The following SH3BGR variants were observed in gnomAD, a reference collection of about 807,000 sequenced individuals.
The protein encoded by SH3BGR is SH3 domain-binding glutamic acid-rich protein.
Under a neutral mutation model 24.5 loss-of-function variants are expected in SH3BGR, and 29 were observed. That is an observed-to-expected ratio of 1.18 (90% CI 0.88 to 1.61). The LOEUF is 1.61. Ranked by LOEUF, SH3BGR falls within the 40% of genes most tolerant of loss-of-function variation. The probability of loss-of-function intolerance (pLI) is 0.00; values close to 1 mark genes in which losing one functional copy is unlikely to be tolerated. For missense variants in SH3BGR, 162 were observed against 205.8 expected (o/e 0.79, Z 1.30); for synonymous variants, 55 against 65.7 (o/e 0.84, Z 0.79).
At chr21:39,478,360 A>G (rs1569160348) in intron 3 of SH3BGR, among the ~76,000 whole-genome samples, 2 of 152,268 alleles carry the variant, frequency 1.3e-5, no homozygotes, top group South Asian at 2.1e-4. Context: ...ATCTCTTCCC[A>G]CTTCCAGAGC....
At chr21:39,461,074 G>A (rs1018618643) in intron 1 of SH3BGR, among the ~76,000 whole-genome samples, 11 of 151,538 alleles carry the variant, frequency 7.3e-5, no homozygotes, top group Middle Eastern at 3.6e-3. Flanking sequence ...AGATACGAGA[G>A]CATCTCTATT....
rs188846578 is a variant in SH3BGR, at chr21:39,456,816, G to A, written c.45+4675G>A. 2.1e-4 allele frequency among the ~76,000 whole-genome samples: 32 copies of A among 152,212 alleles called. No homozygotes were observed. The East Asian group carries it at 5.2e-3, about 25-fold the overall frequency. On this transcript the variant is annotated intron_variant, in intron 1 of 6. Transcript: ENST00000333634. ...TATTTGTCCGTGCTTGCCCCAAACT[G>A]CAGTACCTTTGTTGGCCTGAGTCTT...
At chr21:39,499,264 A>G (rs1054782079) in intron 3 of SH3BGR, among the ~76,000 whole-genome samples, 4 of 150,966 alleles carry the variant, frequency 2.6e-5, no homozygotes, top group African/African-American at 9.7e-5. Flanking sequence ...TCATCTGTCT[A>G]TCTGTCTATC....
chr21:39,499,413 T>C (rs1321322840), intron 3 of SH3BGR, among the ~76,000 whole-genome samples: 1 of 152,168 alleles, frequency 6.6e-6, no homozygotes, highest in Non-Finnish European at 1.5e-5. Context: ...ATCCATCCAT[T>C]TATCCATCTA....
At chr21:39,475,350 C>G (rs185936084) in intron 3 of SH3BGR, 135 bp downstream of exon 3, 3 of 566,142 alleles carry the variant, frequency 5.3e-6, no homozygotes, top group South Asian at 5.6e-5. Context: ...TATTCTGATG[C>G]AGTCCTATGC....
chr21:39,508,266 C>G (rs1001187238), intron 4 of SH3BGR, among the ~76,000 whole-genome samples: 30 of 152,162 alleles, frequency 2.0e-4, no homozygotes, highest in African/African-American at 6.8e-4. Flanking sequence ...TTGTGGCACT[C>G]TGGCTTCAGG....
intron 3 of SH3BGR, among the ~76,000 whole-genome samples, chr21:39,479,462 ATGT>A (rs1162727885): frequency 6.9e-6 from 1 of 145,906 alleles, no homozygotes; most frequent in East Asian, 2.0e-4. Flanking sequence ...AGTGGTGGTG[ATGT>A]TGGTGTTGGT....
At chr21:39,447,374 A>G (rs982388939), upstream of SH3BGR, among the ~76,000 whole-genome samples, 1 of 150,296 alleles carries the variant, frequency 6.7e-6, no homozygotes, top group Non-Finnish European at 1.5e-5. Flanking sequence ...ATGATAAGTC[A>G]CTGCAAATCT....
intron 5 of SH3BGR, among the ~76,000 whole-genome samples, chr21:39,509,620 A>C (rs1189157520): frequency 3.3e-5 from 5 of 151,414 alleles, no homozygotes; most frequent in South Asian, 2.1e-4. Flanking sequence ...AATTACAGGC[A>C]CGTGTCACCA....
intron 3 of SH3BGR, among the ~76,000 whole-genome samples, chr21:39,494,138 G>A (rs2078351205): frequency 6.6e-6 from 1 of 151,910 alleles, no homozygotes; most frequent in South Asian, 2.1e-4. Context: ...TCCATTGACT[G>A]TTTCCCATCC....
At chr21:39,501,255 C>T (rs369610419) in intron 4 of SH3BGR, among the ~76,000 whole-genome samples, 2 of 152,276 alleles carry the variant, frequency 1.3e-5, no homozygotes, top group African/African-American at 4.8e-5. Context: ...CCCTTTCTCC[C>T]GTGAGACCAG....
chr21:39,509,000 AG>A lies in SH3BGR; in HGVS notation c.409del (p.Glu137LysfsTer13), dbSNP rs2078629595. ...TAATTTTGATTTATGGATGTAAGGA[AG>A]AAGAAGGAGAGACAGCCACAGAAGA... ...NLPEAQEKNEEEGETATEETE... is the reference protein window; with the variant it reads ...NLPEAQEKNEXEGETATEETE... On this transcript the variant is annotated frameshift_variant, in exon 5 of 7. Coordinates refer to ENST00000333634, the MANE Select transcript of SH3BGR (RefSeq NM_007341.3). LOFTEE classifies it high-confidence loss of function. 1 of 1,607,722 alleles carries A rather than the reference AG, an allele frequency of 6.2e-7. No homozygotes were observed. Among genetic ancestry groups the A allele is most frequent in the South Asian group, 1.1e-5 (1 of 89,910 alleles).
chr21:39,478,056 A>G (rs1569160175), intron 3 of SH3BGR, among the ~76,000 whole-genome samples: 2 of 152,212 alleles, frequency 1.3e-5, no homozygotes, highest in South Asian at 2.1e-4. Context: ...GTTATTTGCT[A>G]TAGTCACTAT....
At chr21:39,491,235 C>T (rs11702769) in intron 3 of SH3BGR, among the ~76,000 whole-genome samples, 85,163 of 151,224 alleles carry the variant, frequency 0.56, 24,313 homozygotes, top group East Asian at 0.68. Context: ...CTGCAACCTC[C>T]GCCTCCCAAG....
chr21:39,514,660 C>A (rs901787149), intron 6 of SH3BGR, among the ~76,000 whole-genome samples: 1 of 152,182 alleles, frequency 6.6e-6, no homozygotes, highest in Non-Finnish European at 1.5e-5. Flanking sequence ...CCACGTCTGA[C>A]CTAGAATCTA....
intron 6 of SH3BGR, among the ~76,000 whole-genome samples, chr21:39,514,076 G>A (rs1325441313): frequency 6.6e-6 from 1 of 152,116 alleles, no homozygotes; most frequent in Non-Finnish European, 1.5e-5. Context: ...AGTCTGTTGT[G>A]AGGTCAAAAT....
At chr21:39,446,103 G>A (rs1315459179) in intron 1 of SH3BGR, 1 of 152,018 alleles carries the variant, frequency 6.6e-6, no homozygotes, top group Non-Finnish European at 1.5e-5. Context: ...CAGTAGGTGG[G>A]TGTAGACGCC....
At chr21:39,506,604 G>A (rs2078587488) in intron 4 of SH3BGR, among the ~76,000 whole-genome samples, 1 of 152,190 alleles carries the variant, frequency 6.6e-6, no homozygotes, top group Non-Finnish European at 1.5e-5. Context: ...GAGGGCTTGT[G>A]CAGGGGAACT....
At chr21:39,451,606 C>T (rs1369716612), upstream of SH3BGR, among the ~76,000 whole-genome samples, 1 of 152,134 alleles carries the variant, frequency 6.6e-6, no homozygotes, top group Non-Finnish European at 1.5e-5. Flanking sequence ...GCCAAAAGCC[C>T]TTTAAACCCA....
Sources: allele counts gnomAD v4.1 joint callset (sites outside exome capture counted in the v4.1 genomes callset), GRCh38; gene constraint gnomAD v4.1.1; transcripts MANE v1.5; gene names NCBI Gene and HGNC (gene_info 2026-07-23, HGNC 2026-07-21).